ANKFY1: variants seen among roughly 807,000 people sequenced by gnomAD.
ANKFY1 encodes the protein ankyrin repeat and FYVE domain containing 1.
A neutral mutation model predicts 128.3 loss-of-function variants in ANKFY1; 47 were observed. That is an observed-to-expected ratio of 0.37 (90% CI 0.29 to 0.47). The LOEUF is 0.47. Among genes scored for constraint, ANKFY1 ranks in the 20% least tolerant of loss-of-function variants. ANKFY1 has a pLI of 1.00. For missense variants in ANKFY1, 1,222 were observed against 1,510.6 expected (o/e 0.81, Z 3.17); for synonymous variants, 553 against 601.6 (o/e 0.92, Z 1.18).
chr17:4,253,113 T>C (rs4790595), intron 1 of ANKFY1, among the ~76,000 whole-genome samples: 143,817 of 152,182 alleles, frequency 0.95, 68,521 homozygotes, highest in South Asian at 1. Context: ...CCCAGCTACT[T>C]GGGAGGCTGA....
At chr17:4,197,722 G>T (rs2059852410) in intron 7 of ANKFY1, 145 bp from the exon 8 acceptor site, 1 of 743,740 alleles carries the variant, frequency 1.3e-6, no homozygotes, top group South Asian at 1.7e-5. Flanking sequence ...TCTGTAAGTG[G>T]AAACTCATTG....
intron 4 of ANKFY1, among the ~76,000 whole-genome samples, chr17:4,213,207 T>C (rs1308488487): frequency 6.6e-5 from 10 of 151,996 alleles, no homozygotes; most frequent in Non-Finnish European, 1.0e-4. Context: ...TGGGTTTTTT[T>C]TGAGACAGAG....
At position 4,165,297 on chromosome 17, in the gene ANKFY1, A is replaced by G. The variant is rs2059192507; in HGVS notation, c.*2482T>C. On this transcript the variant is annotated 3_prime_UTR_variant, in exon 25 of 25. Coordinates refer to ENST00000341657, the MANE Select transcript of ANKFY1 (RefSeq NM_001330063.2). Reference sequence around the variant, plus strand: ...TGACTGTTGCAGCAAATTATGTTTCAGTAAAGTTTACTTTTCCTGCTCTAC... The same window carrying G: ...TGACTGTTGCAGCAAATTATGTTTCGGTAAAGTTTACTTTTCCTGCTCTAC... 6.6e-6 allele frequency: 1 copy of G among 152,244 alleles called. No individual in the cohort carries two copies. Among genetic ancestry groups the G allele is most frequent in the South Asian group, 2.1e-4 (1 of 4,832 alleles). The allele number at this position is 152,244 out of a possible 1,614,324, so 9.4% of individuals were successfully genotyped here.
At chr17:4,203,542 G>A (rs758565730) in intron 7 of ANKFY1, among the ~76,000 whole-genome samples, 9 of 152,032 alleles carry the variant, frequency 5.9e-5, no homozygotes, top group Non-Finnish European at 8.8e-5. Flanking sequence ...TCGGCCAGGC[G>A]CAGTGGCTCA....
chr17:4,228,406 G>A (rs1362192836), intron 3 of ANKFY1, among the ~76,000 whole-genome samples: 1 of 145,650 alleles, frequency 6.9e-6, no homozygotes, highest in Non-Finnish European at 1.5e-5. Flanking sequence ...GGATGGAAAT[G>A]TTTTTTGTTA....
At chr17:4,196,143 CTACA>C (rs1475106996) in intron 8 of ANKFY1, among the ~76,000 whole-genome samples, 4 of 16,038 alleles carry the variant, frequency 2.5e-4, no homozygotes, top group South Asian at 8.2e-3. Context: ...GCTGCATCTA[CTACA>C]CACACACACA....
intron 3 of ANKFY1, among the ~76,000 whole-genome samples, chr17:4,228,480 G>A (rs1209338116): frequency 1.3e-5 from 2 of 151,532 alleles, no homozygotes; most frequent in Non-Finnish European, 2.9e-5. Flanking sequence ...GCAATGACGC[G>A]ATCTCGGCTC....
intron 3 of ANKFY1, among the ~76,000 whole-genome samples, chr17:4,233,290 A>G (rs2060545369): frequency 6.6e-6 from 1 of 152,146 alleles, no homozygotes; most frequent in Non-Finnish European, 1.5e-5. Flanking sequence ...TGTGAAGAAC[A>G]CTACATGATC....
chr17:4,206,532 C>T (rs369320435), intron 6 of ANKFY1, 46 bp from the exon 7 acceptor site: 20 of 1,554,680 alleles, frequency 1.3e-5, no homozygotes, highest in Admixed American at 7.0e-5. Context: ...GTAGAGAATA[C>T]GACCTATTTT....
intron 7 of ANKFY1, among the ~76,000 whole-genome samples, chr17:4,198,566 T>C (rs1468156581): frequency 6.6e-6 from 1 of 151,978 alleles, no homozygotes. Flanking sequence ...GGGACGGGGT[T>C]TCACCATGAT....
At chr17:4,217,722 T>C (rs991961599) in intron 3 of ANKFY1, among the ~76,000 whole-genome samples, 7 of 152,036 alleles carry the variant, frequency 4.6e-5, no homozygotes, top group African/African-American at 1.7e-4. Context: ...TCTCACTACG[T>C]CACCCAGGCT....
chr17:4,258,367 T>C (rs1968234244), intron 1 of ANKFY1, among the ~76,000 whole-genome samples: 1 of 151,830 alleles, frequency 6.6e-6, no homozygotes, highest in Non-Finnish European at 1.5e-5. Flanking sequence ...CTACCAAAAA[T>C]ACAAAAAATT....
At chr17:4,233,792 C>T (rs1406919181) in intron 3 of ANKFY1, among the ~76,000 whole-genome samples, 1 of 152,190 alleles carries the variant, frequency 6.6e-6, no homozygotes, top group Non-Finnish European at 1.5e-5. Flanking sequence ...CAGCAGAGTA[C>T]GGGCTCCGTA....
chr17:4,240,796 C>A (rs752840937), intron 2 of ANKFY1, among the ~76,000 whole-genome samples: 2 of 152,218 alleles, frequency 1.3e-5, no homozygotes, highest in Non-Finnish European at 2.9e-5. Context: ...CTCACCTGAG[C>A]ATCCTAATGC....
In ANKFY1 at chr17:4,218,446, A is replaced by G. The variant is rs549819142; in HGVS notation, c.323-1328T>C. Among the ~76,000 whole-genome samples, 3 of 152,318 alleles carry G rather than the reference A, an allele frequency of 2.0e-5. No homozygotes were observed. The East Asian group carries it at 5.8e-4, about 29-fold the overall frequency. On this transcript the variant is annotated intron_variant, in intron 3 of 24. Coordinates refer to ENST00000341657, the MANE Select transcript of ANKFY1 (RefSeq NM_001330063.2). ...GCTTTTTGAAAAGTAGGCTAAAAAT[A>G]CTTGTATAAGATCTCATTGGCTGGG...
chr17:4,223,300 C>A, intron 3 of ANKFY1: 1 of 1,107,572 alleles, frequency 9.0e-7, no homozygotes, highest in East Asian at 2.4e-5. Context: ...TACGGCAGTG[C>A]AAGTTAGTAG....
chr17:4,186,899 A>G (rs900045917), intron 11 of ANKFY1: 19 of 1,080,726 alleles, frequency 1.8e-5, no homozygotes, highest in Non-Finnish European at 2.0e-5. Flanking sequence ...CCTACCTTAA[A>G]TGTGTAGAAA....
At chr17:4,262,517 C>T (rs938906091) in intron 1 of ANKFY1, among the ~76,000 whole-genome samples, 1 of 152,190 alleles carries the variant, frequency 6.6e-6, no homozygotes, top group Non-Finnish European at 1.5e-5. Context: ...CCACCTCGGC[C>T]TCCCAAAGTG....
chr17:4,183,326 A>G lies in ANKFY1; in HGVS notation c.1952+72T>C. The G allele has an allele frequency of 1.9e-6, 3 of 1,559,492 alleles. No individual in the cohort carries two copies. In the South Asian group the frequency reaches 3.4e-5, roughly 18 times the overall value. ...TATGAAACAAAAACACTTTTCTACA[A>G]GCGAGGCTATGCTTTTGACATCTCA... On this transcript the variant is annotated intron_variant, in intron 14 of 24. Transcript: ENST00000341657.
Sources: allele counts gnomAD v4.1 joint callset (sites outside exome capture counted in the v4.1 genomes callset), GRCh38; gene constraint gnomAD v4.1.1; transcripts MANE v1.5; gene names NCBI Gene and HGNC (gene_info 2026-07-23, HGNC 2026-07-21).